BICRA: variants seen among roughly 807,000 people sequenced by gnomAD.
The protein encoded by BICRA is BRD4 interacting chromatin remodeling complex associated protein, also known as BRD4-interacting chromatin-remodeling complex-associated protein.
A neutral mutation model predicts 96.9 loss-of-function variants in BICRA; 31 were observed. The ratio of observed to expected loss-of-function variants is 0.32; its 90% CI spans 0.24 to 0.43. The LOEUF is 0.43. BICRA is among the 20% of genes least tolerant of loss of function. The pLI is 1.00. For synonymous variants in BICRA, 1,350 were observed against 1,071.8 expected, an observed-to-expected ratio of 1.26 and a Z score of -5.07; for missense variants, 2,283 against 2,190.3, an observed-to-expected ratio of 1.04 and a Z score of -0.84.
chr19:47,699,766 G>A lies in BICRA; in HGVS notation c.3595+361G>A, dbSNP rs1973411544. ...TGCCAGTCCTTTGCTTGGGGACCCT[G>A]AGAGTGAGCACCTCCTTAAGTGTTG... On this transcript the variant is annotated intron_variant, in intron 14 of 14. Coordinates refer to ENST00000594866, the MANE Select transcript of BICRA (RefSeq NM_001394372.1). The surrounding 1 kb of genome is among the most constrained non-coding windows in gnomAD (Gnocchi z 5.0). 6.6e-6 allele frequency among the ~76,000 whole-genome samples: 1 copy of A among 152,166 alleles called. No homozygotes were observed. Among genetic ancestry groups the A allele is most frequent in the Admixed American group, 6.5e-5 (1 of 15,274 alleles).
chr19:47,702,537 TA>T lies in BICRA; in HGVS notation c.*123del. 1 of 1,191,410 alleles carries T rather than the reference TA, an allele frequency of 8.4e-7. No homozygotes were observed. The highest frequency in any genetic ancestry group is 1.1e-6 in the Non-Finnish European group (1 of 906,568). 73.8% of individuals were successfully genotyped at this position (1,191,410 alleles called of 1,614,324 possible). ...CCCTGACGGTTTTTCTTGCCTAAGT[TA>T]TTTGAGTCACAAAGGCCTCCTTCCC... On this transcript the variant is annotated 3_prime_UTR_variant, in exon 15 of 15. Transcript: ENST00000594866.
intron 1 of BICRA, among the ~76,000 whole-genome samples, chr19:47,630,990 C>T (rs1275757439): frequency 3.3e-5 from 5 of 152,118 alleles, no homozygotes; most frequent in East Asian, 3.8e-4. Context: ...AGTTGGGACT[C>T]GACATATTTC....
chr19:47,682,614 G>A (rs1973083001), intron 7 of BICRA, among the ~76,000 whole-genome samples: 1 of 151,636 alleles, frequency 6.6e-6, no homozygotes, highest in Non-Finnish European at 1.5e-5. Flanking sequence ...TCTTCTGCCT[G>A]CGGTATTGCA....
rs189295819 is a variant in BICRA at position 47,624,002 on chromosome 19, C to T, written c.-108+14834C>T. Reference sequence around the variant, plus strand: ...GAGTAGCTGGGATTACAGGCACGCACCACCGCGCCCGGCTAATTTTGTGTT... The same window carrying T: ...GAGTAGCTGGGATTACAGGCACGCATCACCGCGCCCGGCTAATTTTGTGTT... On this transcript the variant is annotated intron_variant, in intron 1 of 14. Coordinates refer to ENST00000594866, the MANE Select transcript of BICRA (RefSeq NM_001394372.1). 2.5e-4 allele frequency among the ~76,000 whole-genome samples: 38 copies of T among 152,198 alleles called. No individual in the cohort carries two copies. In the East Asian group the frequency reaches 6.6e-3, roughly 26 times the overall value.
chr19:47,692,287 C>T (rs189705456), intron 7 of BICRA, among the ~76,000 whole-genome samples: 37 of 151,760 alleles, frequency 2.4e-4, no homozygotes, highest in Admixed American at 2.1e-3. Context: ...AGTGCAGTGG[C>T]GCGATCTCAT....
intron 1 of BICRA, among the ~76,000 whole-genome samples, chr19:47,643,780 C>G (rs73045713): frequency 3.5e-4 from 54 of 152,276 alleles, no homozygotes; most frequent in South Asian, 1.0e-3. Flanking sequence ...GAAGCATGGG[C>G]AATGCTGAGA....
chr19:47,632,027 T>G (rs1267741560), intron 1 of BICRA, among the ~76,000 whole-genome samples: 1 of 152,204 alleles, frequency 6.6e-6, no homozygotes, highest in Non-Finnish European at 1.5e-5. Flanking sequence ...TACCTCTTTA[T>G]TGCTCTAGAG....
chr19:47,622,331 A>G (rs1202488009), intron 1 of BICRA, among the ~76,000 whole-genome samples: 4 of 151,500 alleles, frequency 2.6e-5, no homozygotes, highest in African/African-American at 9.7e-5. Flanking sequence ...TCCTGACCTC[A>G]GGTGATCCTC....
Position 47,702,068 on chromosome 19 carries a change from G to A in BICRA, c.4336G>A (p.Gly1446Ser), listed in dbSNP as rs752481125. The change falls in exon 15 of 15, where the codon GGC becomes AGC. Residue 1446 changes from glycine to serine, a missense_variant. Gly to Ser is a moderately conservative substitution (Grantham distance 56). Coordinates refer to ENST00000594866, the MANE Select transcript of BICRA (RefSeq NM_001394372.1). The stretch of plus-strand genomic sequence containing the variant: ...CGAGCTGTACCAGCGTATGCTGAAG[G>A]GCCCCCCGCCAGAGCCCGCAGCCAG... The part of the protein sequence containing the change: ...EDELYQRMLK[G>S]PPPEPAASAA... 82 of 1,510,466 alleles carry A rather than the reference G, an allele frequency of 5.4e-5. No individual in the cohort carries two copies. The highest frequency in any genetic ancestry group is 1.3e-4 in the Admixed American group (6 of 45,970). The allele number at this position is 1,510,466 out of a possible 1,614,324, so 93.6% of individuals were successfully genotyped here.
chr19:47,688,572 C>T (rs961688517), intron 7 of BICRA, among the ~76,000 whole-genome samples: 1 of 151,938 alleles, frequency 6.6e-6, no homozygotes, highest in East Asian at 1.9e-4. Context: ...GGGTGGATCA[C>T]GAGGTCAAGA....
chr19:47,637,010 T>C (rs746055037), intron 1 of BICRA, among the ~76,000 whole-genome samples: 19 of 152,222 alleles, frequency 1.2e-4, no homozygotes, highest in African/African-American at 4.3e-4. Context: ...CCTGCTCTTA[T>C]CACCCTGTTT....
At chr19:47,647,595 T>C (rs1972478926) in intron 1 of BICRA, among the ~76,000 whole-genome samples, 1 of 152,112 alleles carries the variant, frequency 6.6e-6, no homozygotes, top group South Asian at 2.1e-4. Flanking sequence ...AAAAATGATC[T>C]GTGGGCTCCT....
In BICRA at chr19:47,699,015, G is replaced by A; in HGVS notation, c.3448G>A (p.Ala1150Thr). ...CACGCAGCTGCTGAAACGCACCCAGGCCATGCTCAATAAATATCGGCTCCT... is the reference window on the plus strand; with the variant it reads ...CACGCAGCTGCTGAAACGCACCCAGACCATGCTCAATAAATATCGGCTCCT... Reference protein sequence around the residue: ...VSTQLLKRTQAMLNKYRLLLL... With the variant: ...VSTQLLKRTQTMLNKYRLLLL... Residue 1150 changes from alanine (A) to threonine (T), a missense_variant, in exon 13 of 15, where the codon GCC (alanine) becomes ACC (threonine). Physicochemically the swap from Ala to Thr is moderately conservative, Grantham distance 58. Transcript: ENST00000594866. The surrounding 1 kb of genome is among the most constrained non-coding windows in gnomAD (Gnocchi z 5.0). 1 of 1,587,258 alleles carries A rather than the reference G, an allele frequency of 6.3e-7. No individual in the cohort carries two copies. Among genetic ancestry groups the A allele is most frequent in the Non-Finnish European group, 8.6e-7 (1 of 1,167,488 alleles).
chr19:47,615,127 G>A (rs1179107668), intron 1 of BICRA, among the ~76,000 whole-genome samples: 1 of 152,146 alleles, frequency 6.6e-6, no homozygotes, highest in Admixed American at 6.6e-5. Context: ...GGGACTACAG[G>A]TGCACGCCAC....
chr19:47,653,687 T>C (rs1972573118), intron 1 of BICRA, among the ~76,000 whole-genome samples: 1 of 152,184 alleles, frequency 6.6e-6, no homozygotes, highest in South Asian at 2.1e-4. Flanking sequence ...CGTGTGCCAG[T>C]GTTCCTTCCT....
intron 1 of BICRA, among the ~76,000 whole-genome samples, chr19:47,654,691 GCCTGTAAT>G (rs1219888819): frequency 6.6e-6 from 1 of 151,726 alleles, no homozygotes; most frequent in Non-Finnish European, 1.5e-5. Context: ...GGTGGCTTAT[GCCTGTAAT>G]CCCAGCACTT....
At position 47,694,565 on chromosome 19, in the gene BICRA, C is replaced by A; in HGVS notation, c.2734C>A (p.Pro912Thr). ...ATCCGACTTCCAGCTCCAGTTCCCA[C>A]CCAGCCAGGGGCCCCACAAGTCCCC... is the stretch of plus-strand genomic sequence containing the variant. ...TPSDFQLQFPPSQGPHKSPTP... is the reference protein window; with the variant it reads ...TPSDFQLQFPTSQGPHKSPTP... Residue 912 changes from proline to threonine, a missense_variant, in exon 8 of 15, where the codon CCC (proline) becomes ACC (threonine). By Grantham distance (38) the Pro-to-Thr change is conservative. Coordinates refer to ENST00000594866, the MANE Select transcript of BICRA (RefSeq NM_001394372.1). 1 of 1,610,846 alleles carries A rather than the reference C, an allele frequency of 6.2e-7. No individual in the cohort carries two copies. The highest frequency in any genetic ancestry group is 1.7e-5 in the Admixed American group (1 of 59,856).
intron 1 of BICRA, among the ~76,000 whole-genome samples, chr19:47,630,159 C>CTTTTTTT (rs778786532): frequency 1.9e-5 from 2 of 103,432 alleles, no homozygotes; most frequent in Non-Finnish European, 3.8e-5. Context: ...TTGGCCAATT[C>CTTTTTTT]TTTTTTTTTT....
At chr19:47,696,243 C>T (rs982724545) in intron 10 of BICRA, among the ~76,000 whole-genome samples, 1 of 152,124 alleles carries the variant, frequency 6.6e-6, no homozygotes, top group Non-Finnish European at 1.5e-5. Flanking sequence ...GCCTGCCTGT[C>T]ACCCTCTCCG....
Sources: allele counts gnomAD v4.1 joint callset (sites outside exome capture counted in the v4.1 genomes callset), GRCh38; gene constraint gnomAD v4.1.1; non-coding constraint Gnocchi (gnomAD v3.1); transcripts MANE v1.5; gene names NCBI Gene and HGNC (gene_info 2026-07-23, HGNC 2026-07-21).